The following MYO5B variants were observed in gnomAD, a reference collection of about 807,000 sequenced individuals.
The protein encoded by MYO5B is unconventional myosin-Vb.
In MYO5B, 143 loss-of-function variants were observed where a neutral mutation model predicts 229.3. That is an observed-to-expected ratio of 0.62 (90% CI 0.54 to 0.72). The LOEUF (loss-of-function observed/expected upper bound fraction) is 0.72. Ranked by LOEUF, MYO5B falls within the 30% of genes least tolerant of loss-of-function variation. The probability of loss-of-function intolerance (pLI) is 0.00; values close to 1 mark genes in which losing one functional copy is unlikely to be tolerated. For missense variants in MYO5B, 2,321 were observed against 2,331.0 expected (o/e 1.00, Z 0.09); for synonymous variants, 918 against 885.2 (o/e 1.04, Z -0.66).
chr18:50,032,651 T>C (rs574617452), intron 4 of MYO5B, among the ~76,000 whole-genome samples: 1 of 152,242 alleles, frequency 6.6e-6, no homozygotes, highest in African/African-American at 2.4e-5. Context: ...TTGGCTATTG[T>C]GAATAACACT....
intron 1 of MYO5B, among the ~76,000 whole-genome samples, chr18:50,126,946 T>C (rs1176598667): frequency 6.6e-6 from 1 of 152,194 alleles, no homozygotes; most frequent in Non-Finnish European, 1.5e-5. Context: ...CATTGGTTAG[T>C]GTCACAGAAA....
At chr18:50,079,436 C>T (rs1181760351) in intron 1 of MYO5B, among the ~76,000 whole-genome samples, 1 of 152,184 alleles carries the variant, frequency 6.6e-6, no homozygotes, top group Non-Finnish European at 1.5e-5. Flanking sequence ...ACCCCTTGGT[C>T]CTTGGACCAA....
intron 1 of MYO5B, among the ~76,000 whole-genome samples, chr18:50,155,126 G>T (rs111883186): frequency 0.022 from 3,364 of 152,248 alleles, 118 homozygotes; most frequent in African/African-American, 0.077. Context: ...CATACGTAAG[G>T]TTTCCAGTAC....
intron 1 of MYO5B, among the ~76,000 whole-genome samples, chr18:50,132,773 T>C (rs1426449313): frequency 1.3e-5 from 2 of 152,200 alleles, no homozygotes; most frequent in Non-Finnish European, 2.9e-5. Context: ...AGTGGGAGCA[T>C]GAGACAAAAA....
chr18:49,999,174 C>T (rs1447004229), intron 5 of MYO5B, among the ~76,000 whole-genome samples: 3 of 152,320 alleles, frequency 2.0e-5, no homozygotes, highest in Non-Finnish European at 4.4e-5. Flanking sequence ...AGAATAACTA[C>T]TCTATTTCTA....
intron 21 of MYO5B, among the ~76,000 whole-genome samples, chr18:49,897,052 G>A (rs1015721030): frequency 2.6e-5 from 4 of 152,208 alleles, no homozygotes; most frequent in African/African-American, 9.7e-5. Context: ...ACCCTGGAGA[G>A]TTGCCCGAGT....
chr18:50,087,092 T>C (rs112481693), intron 1 of MYO5B, among the ~76,000 whole-genome samples: 1,532 of 152,280 alleles, frequency 0.01, 28 homozygotes, highest in African/African-American at 0.034. Flanking sequence ...CACTCCTCAA[T>C]ACCAGAACAT....
intron 1 of MYO5B, among the ~76,000 whole-genome samples, chr18:50,121,621 C>A (rs569418235): frequency 6.6e-6 from 1 of 152,362 alleles, no homozygotes; most frequent in Admixed American, 6.5e-5. Context: ...TCAGAACTCA[C>A]TATGATCAGG....
Position 49,861,683 on chromosome 18 carries a change from C to A in MYO5B, c.3944+1544G>T, listed in dbSNP as rs554593025. On this transcript the variant is annotated intron_variant, in intron 29 of 39. Transcript: ENST00000285039. ...GGCTGGAAACTGCCCCAGCCTGAGT[C>A]AGGCCTTCCGGATTCTACCTTGACT... Among the ~76,000 whole-genome samples the A allele has an allele frequency of 8.8e-5, 13 of 147,224 alleles. No individual in the cohort carries two copies. In the East Asian group the frequency reaches 2.1e-3, roughly 24 times the overall value.
At chr18:50,118,169 G>A (rs1398518827) in intron 1 of MYO5B, among the ~76,000 whole-genome samples, 5 of 152,232 alleles carry the variant, frequency 3.3e-5, no homozygotes, top group Admixed American at 2.6e-4. Flanking sequence ...ACTAAACCCT[G>A]AGACCAGCTA....
At position 50,120,646 on chromosome 18, in the gene MYO5B, C is replaced by T. The variant is rs80054260; in HGVS notation, c.28-65268G>A. 7.0e-3 allele frequency among the ~76,000 whole-genome samples: 1,073 copies of T among 152,276 alleles called. 18 individuals are homozygous for T. Among genetic ancestry groups the T allele is most frequent in the African/African-American group, 0.024 (989 of 41,562 alleles). On this transcript the variant is annotated intron_variant, in intron 1 of 39. Coordinates refer to ENST00000285039, the MANE Select transcript of MYO5B (RefSeq NM_001080467.3). ...GCCTGGCCCTTCTGAGTAAGCTGCT[C>T]GACCTCAAGCAGGTCATAGCTGAGC...
chr18:50,003,954 C>T (rs1343428398), intron 4 of MYO5B, among the ~76,000 whole-genome samples: 1 of 152,182 alleles, frequency 6.6e-6, no homozygotes, highest in Non-Finnish European at 1.5e-5. Flanking sequence ...TGCGTCAACA[C>T]AGCACACACA....
chr18:49,987,140 T>C (rs1033618029), intron 7 of MYO5B, among the ~76,000 whole-genome samples: 3 of 152,150 alleles, frequency 2.0e-5, no homozygotes, highest in African/African-American at 7.2e-5. Flanking sequence ...ACACCCCGCC[T>C]TCCGAGATCC....
In MYO5B at chr18:49,912,150, T is replaced by A. The variant is rs376384329; in HGVS notation, c.2114A>T (p.Asn705Ile). ...PSRWAYHDFF[N>I]RYRVLVKKRE... ...CTTCTTGACCAGCACCCGATACCGG[T>A]TGAAAAAGTCATGGTAGGCCCACCT... The change falls in exon 18 of 40, where the codon AAC (asparagine) becomes ATC (isoleucine). Residue 705 changes from asparagine (N) to isoleucine (I), a missense_variant. By Grantham distance (149) the Asn-to-Ile change is moderately radical. Around this residue, in one of 2 missense-constraint regions of MYO5B, gnomAD observed 2,113 missense variants for 2,044.7 expected, o/e 1.03. Transcript: ENST00000285039. The A allele has an allele frequency of 6.2e-7, 1 of 1,613,800 alleles. No homozygotes were observed. The highest frequency in any genetic ancestry group is 2.2e-5 in the East Asian group (1 of 44,868).
intron 1 of MYO5B, among the ~76,000 whole-genome samples, chr18:50,192,785 T>C (rs778287481): frequency 6.6e-6 from 1 of 152,218 alleles, no homozygotes; most frequent in Non-Finnish European, 1.5e-5. Flanking sequence ...TGCATTGACA[T>C]GGTTAAATTC....
At chr18:49,973,065 G>A (rs954022241) in intron 10 of MYO5B, among the ~76,000 whole-genome samples, 32 of 152,138 alleles carry the variant, frequency 2.1e-4, no homozygotes, top group Admixed American at 2.0e-3. Context: ...AACTGTGCAA[G>A]CGTGTCCTCT....
At chr18:49,845,337 ACAAAC>A (rs2024111592) in intron 33 of MYO5B, among the ~76,000 whole-genome samples, 1 of 152,232 alleles carries the variant, frequency 6.6e-6, no homozygotes, top group Non-Finnish European at 1.5e-5. Flanking sequence ...CTAAAAACAC[ACAAAC>A]CAAACAGCTG....
chr18:50,076,215 G>A (rs902443645), intron 1 of MYO5B, among the ~76,000 whole-genome samples: 1 of 152,162 alleles, frequency 6.6e-6, no homozygotes, highest in Non-Finnish European at 1.5e-5. Flanking sequence ...GCTAAACTAA[G>A]GGAAAACGCT....
chr18:50,162,682 C>T (rs1358481502), intron 1 of MYO5B, among the ~76,000 whole-genome samples: 1 of 152,246 alleles, frequency 6.6e-6, no homozygotes. Flanking sequence ...ACAGTGCTGG[C>T]ACTGAGGCAC....
Sources: gnomAD v4.1 joint callset for allele counts (sites outside exome capture counted in the v4.1 genomes callset) on GRCh38, gnomAD v4.1.1 for gene constraint, gnomAD v4.1.1 regional missense constraint, MANE v1.5 for transcripts, NCBI Gene and HGNC (gene_info 2026-07-23, HGNC 2026-07-21) for gene names.